SMG6: variants seen among roughly 807,000 people sequenced by gnomAD.
SMG6 encodes telomerase-binding protein EST1A.
SMG6 carries 66 observed loss-of-function variants against 142.2 expected under a neutral mutation model. The observed-to-expected ratio is 0.46, with a 90% CI of 0.38 to 0.57. The LOEUF (loss-of-function observed/expected upper bound fraction) is 0.57. SMG6 is among the 20% of genes least tolerant of loss of function. The pLI is 0.00. For missense variants in SMG6, 1,793 were observed against 1,832.0 expected (o/e 0.98, Z 0.39); for synonymous variants, 779 against 702.4 (o/e 1.11, Z -1.72).
At chr17:2,156,112 G>C in intron 13 of SMG6, among the ~76,000 whole-genome samples, 1 of 150,038 alleles carries the variant, frequency 6.7e-6, no homozygotes, top group South Asian at 2.1e-4. Flanking sequence ...AGCTCAGGCC[G>C]GGTGCCGTGG....
At chr17:2,117,251 T>C (rs1567610678) in intron 13 of SMG6, among the ~76,000 whole-genome samples, 1 of 152,062 alleles carries the variant, frequency 6.6e-6, no homozygotes, top group Non-Finnish European at 1.5e-5. Flanking sequence ...TACGTGGTCC[T>C]AGCAAGGATG....
intron 8 of SMG6, among the ~76,000 whole-genome samples, chr17:2,247,569 T>C (rs975214907): frequency 6.6e-6 from 1 of 152,110 alleles, no homozygotes; most frequent in Admixed American, 6.6e-5. Flanking sequence ...AGGTAGATCA[T>C]CTGCGGTCAG....
At chr17:2,061,653 C>T (rs2067783202) in intron 18 of SMG6, 31 bp from the exon 19 acceptor site, 1 of 1,559,282 alleles carries the variant, frequency 6.4e-7, no homozygotes. Flanking sequence ...AAGGCTGTCA[C>T]TGAGGACAGG....
At chr17:2,185,788 CA>C (rs1219205511) in intron 12 of SMG6, among the ~76,000 whole-genome samples, 3 of 151,728 alleles carry the variant, frequency 2.0e-5, no homozygotes, top group Admixed American at 6.6e-5. Context: ...GGTGAGAAGA[CA>C]GGGGGCGAGG....
chr17:2,192,385 A>G (rs954093797), intron 10 of SMG6, among the ~76,000 whole-genome samples: 1 of 152,226 alleles, frequency 6.6e-6, no homozygotes, highest in Non-Finnish European at 1.5e-5. Context: ...GCATAAGAAG[A>G]GTAATGAAGA....
intron 13 of SMG6, chr17:2,087,156 A>T: frequency 7.7e-7 from 1 of 1,290,500 alleles, no homozygotes; most frequent in Non-Finnish European, 1.0e-6. Flanking sequence ...GGCAAAGCCT[A>T]AATCTCATCG....
chr17:2,065,209 AGG>A, intron 17 of SMG6, 55 bp from the exon 18 acceptor site: 2 of 1,379,398 alleles, frequency 1.4e-6, no homozygotes, highest in Non-Finnish European at 2.0e-6. Context: ...CGCCATGTGG[AGG>A]AGGAGGAGGG....
chr17:2,271,086 T>TC (rs1412738646), intron 8 of SMG6, among the ~76,000 whole-genome samples: 2 of 150,726 alleles, frequency 1.3e-5, no homozygotes, highest in African/African-American at 4.9e-5. Flanking sequence ...ATTGCTTGAG[T>TC]CCAGGAAATT....
chr17:2,297,799 A>G, intron 3 of SMG6, 64 bp downstream of exon 3: 1 of 1,546,714 alleles, frequency 6.5e-7, no homozygotes, highest in Non-Finnish European at 8.7e-7. Context: ...TCAGGTAGTA[A>G]AAATCCATCG....
intron 13 of SMG6, among the ~76,000 whole-genome samples, chr17:2,132,229 A>G (rs1325259611): frequency 6.6e-6 from 1 of 152,206 alleles, no homozygotes; most frequent in African/African-American, 2.4e-5. Context: ...CATAACTGGA[A>G]TGTAAAATCT....
At chr17:2,065,711 C>CTCAGCAA (rs1442185154) in intron 16 of SMG6, 32 bp from the exon 17 acceptor site, 1 of 1,572,998 alleles carries the variant, frequency 6.4e-7, no homozygotes, top group Non-Finnish European at 8.7e-7. Context: ...AGGTATCAGC[C>CTCAGCAA]TCAGCAATCA....
At chr17:2,263,814 G>A (rs2074367145) in intron 8 of SMG6, among the ~76,000 whole-genome samples, 1 of 152,236 alleles carries the variant, frequency 6.6e-6, no homozygotes, top group East Asian at 1.9e-4. Flanking sequence ...AGAAAACAAC[G>A]ATTTCATATT....
intron 10 of SMG6, among the ~76,000 whole-genome samples, chr17:2,224,866 G>A (rs2073271857): frequency 6.6e-6 from 1 of 152,258 alleles, no homozygotes; most frequent in South Asian, 2.1e-4. Context: ...GACCTGGAAA[G>A]CACCTAGAGA....
intron 13 of SMG6, among the ~76,000 whole-genome samples, chr17:2,091,470 G>C (rs1451042330): frequency 2.0e-5 from 3 of 152,170 alleles, no homozygotes; most frequent in Admixed American, 2.0e-4. Context: ...GGGAAAGAAA[G>C]AACCTGTGCA....
chr17:2,060,382 G>A lies in SMG6; in HGVS notation c.*1110C>T, dbSNP rs1368231193. 6.6e-6 allele frequency: 1 copy of A among 152,284 alleles called. No individual in the cohort carries two copies. The highest frequency in any genetic ancestry group is 1.5e-5 in the Non-Finnish European group (1 of 68,090). 9.4% of individuals were successfully genotyped at this position (152,284 alleles called of 1,614,324 possible). A position where few individuals can be genotyped will look rare whatever the true frequency, so the allele number is the denominator to read the frequency against. On this transcript the variant is annotated 3_prime_UTR_variant, in exon 19 of 19. Transcript: ENST00000263073. ...AAGCTAGAAACCAGGTTAGGCGACG[G>A]TGCCCCAGCACTGGAATGCCTCAGG... is the stretch of plus-strand genomic sequence containing the variant.
intron 8 of SMG6, among the ~76,000 whole-genome samples, chr17:2,257,896 C>T (rs1171021692): frequency 2.6e-5 from 4 of 151,198 alleles, no homozygotes; most frequent in Non-Finnish European, 5.9e-5. Flanking sequence ...GTAGTCCCAG[C>T]TACTCAGGAG....
chr17:2,288,278 C>A (rs1382785461), intron 6 of SMG6, among the ~76,000 whole-genome samples: 2 of 151,760 alleles, frequency 1.3e-5, no homozygotes. Flanking sequence ...CGTGCCACTG[C>A]ACTCCAGCCT....
chr17:2,110,720 A>AG (rs1216801242), intron 13 of SMG6, among the ~76,000 whole-genome samples: 1 of 152,182 alleles, frequency 6.6e-6, no homozygotes, highest in Non-Finnish European at 1.5e-5. Flanking sequence ...CCAGCCAAGC[A>AG]GGGTCTCAAA....
At chr17:2,188,969 G>A (rs561924502) in intron 10 of SMG6, among the ~76,000 whole-genome samples, 1 of 152,214 alleles carries the variant, frequency 6.6e-6, no homozygotes, top group South Asian at 2.1e-4. Context: ...CACCCTGAAC[G>A]CGCCCGATCT....
Sources: allele counts gnomAD v4.1 joint callset (sites outside exome capture counted in the v4.1 genomes callset), GRCh38; gene constraint gnomAD v4.1.1; transcripts MANE v1.5; gene names NCBI Gene and HGNC (gene_info 2026-07-23, HGNC 2026-07-21).